Variants in PCDHGA8 observed in about 807,000 individuals in gnomAD.
The protein encoded by PCDHGA8 is protocadherin gamma subfamily A, 8, also known as protocadherin gamma-A8.
In PCDHGA8, 45 loss-of-function variants were observed where a neutral mutation model predicts 59.2. The observed-to-expected ratio is 0.76, with a 90% CI of 0.60 to 0.98. The LOEUF (loss-of-function observed/expected upper bound fraction) is 0.98, where lower values mean the gene tolerates loss of function less well. PCDHGA8 is among the 50% of genes least tolerant of loss of function. The pLI is 0.00. For synonymous variants in PCDHGA8, 531 were observed against 519.0 expected (o/e 1.02, Z -0.32); for missense variants, 1,257 against 1,196.2 (o/e 1.05, Z -0.75).
intron 2 of PCDHGA8, among the ~76,000 whole-genome samples, chr5:141,496,639 C>A (rs752903356): frequency 6.6e-6 from 1 of 152,222 alleles, no homozygotes; most frequent in Non-Finnish European, 1.5e-5. Flanking sequence ...TTGGGCTGCC[C>A]TTGCCCTTCC....
chr5:141,479,269 A>C (rs1279389471), intron 1 of PCDHGA8: 1 of 152,374 alleles, frequency 6.6e-6, no homozygotes, highest in Non-Finnish European at 1.5e-5. Context: ...TAAAAGTAAT[A>C]ATTTATTTCA....
Position 141,487,176 on chromosome 5 carries a change from A to G in PCDHGA8, c.2425-7631A>G. On this transcript the variant is annotated intron_variant, in intron 1 of 3. Coordinates refer to ENST00000398604, the MANE Select transcript of PCDHGA8 (RefSeq NM_032088.2). The surrounding 1 kb of genome is among the most constrained non-coding windows in gnomAD (Gnocchi z 5.0). ...ACTCTCTTAGTGTCCTTAGAGGAAGACACTCATCCAGTTGTCCCAGATCTT... is the reference window on the plus strand; with the variant it reads ...ACTCTCTTAGTGTCCTTAGAGGAAGGCACTCATCCAGTTGTCCCAGATCTT... 1 of 1,613,774 alleles carries G rather than the reference A, an allele frequency of 6.2e-7. No homozygotes were observed. The highest frequency in any genetic ancestry group is 8.5e-7 in the Non-Finnish European group (1 of 1,179,664).
chr5:141,472,980 C>CAAAAAAAAAAAAAAAAAGAAAAAAAAA (rs2099309731), intron 1 of PCDHGA8, among the ~76,000 whole-genome samples: 1 of 86,106 alleles, frequency 1.2e-5, no homozygotes, highest in Non-Finnish European at 2.5e-5. Flanking sequence ...GAGTGAAACT[C>CAAAAAAAAAAAAAAAAAGAAAAAAAAA]AAAAAAAAAA....
chr5:141,489,253 A>T lies in PCDHGA8; in HGVS notation c.2425-5554A>T. 1 of 1,547,506 alleles carries T rather than the reference A, an allele frequency of 6.5e-7. No individual in the cohort carries two copies. The highest frequency in any genetic ancestry group is 2.3e-5 in the East Asian group (1 of 44,418). ...GGACTTCTGGGTCATGGGGCCCAAG[A>T]CACTCCCACAGCTCGCTGGGAAATG... On this transcript the variant is annotated intron_variant, in intron 1 of 3. Coordinates refer to ENST00000398604, the MANE Select transcript of PCDHGA8 (RefSeq NM_032088.2). This position sits in a 1 kb window ranked among gnomAD's most constrained non-coding sequence, Gnocchi z 4.5.
At chr5:141,505,777 TCTG>T (rs77860300) in intron 3 of PCDHGA8, among the ~76,000 whole-genome samples, 6,508 of 152,280 alleles carry the variant, frequency 0.043, 161 homozygotes, top group Middle Eastern at 0.13. Context: ...AGGTCCTAGC[TCTG>T]CTACTATCCT....
At chr5:141,500,256 T>C (rs1045685908) in intron 2 of PCDHGA8, among the ~76,000 whole-genome samples, 1 of 151,676 alleles carries the variant, frequency 6.6e-6, no homozygotes, top group Non-Finnish European at 1.5e-5. Flanking sequence ...TCACCCAGGC[T>C]GGACTGCAGT....
intron 1 of PCDHGA8, chr5:141,408,178 G>A (rs1425207794): frequency 1.3e-6 from 2 of 1,535,708 alleles, no homozygotes; most frequent in Non-Finnish European, 1.8e-6. Context: ...GAAAAGCGGG[G>A]ACCCAGCGAG....
intron 2 of PCDHGA8, among the ~76,000 whole-genome samples, chr5:141,496,492 C>A (rs2099769172): frequency 6.6e-6 from 1 of 152,186 alleles, no homozygotes; most frequent in Non-Finnish European, 1.5e-5. Context: ...CCAACCAAAC[C>A]CTTGTTGCCA....
rs2099404338 is a variant in PCDHGA8, at chr5:141,477,060, C to T, written c.2425-17747C>T. On this transcript the variant is annotated intron_variant, in intron 1 of 3. Coordinates refer to ENST00000398604, the MANE Select transcript of PCDHGA8 (RefSeq NM_032088.2). This position sits in a 1 kb window ranked among gnomAD's most constrained non-coding sequence, Gnocchi z 4.9. Reference sequence around the variant, plus strand: ...AAGGGTCGGCTGGACTTCGAGGACACCAAACTCCATGAGATTTACATCCAG... The same window carrying T: ...AAGGGTCGGCTGGACTTCGAGGACATCAAACTCCATGAGATTTACATCCAG... 3.7e-6 allele frequency: 6 copies of T among 1,614,256 alleles called. No individual in the cohort carries two copies. The highest frequency in any genetic ancestry group is 5.1e-6 in the Non-Finnish European group (6 of 1,180,046).
intron 1 of PCDHGA8, among the ~76,000 whole-genome samples, chr5:141,438,655 T>C (rs1436221152): frequency 7.1e-6 from 1 of 140,042 alleles, no homozygotes; most frequent in Non-Finnish European, 1.5e-5. Flanking sequence ...CACACACATA[T>C]ATGTATATAT....
intron 1 of PCDHGA8, among the ~76,000 whole-genome samples, chr5:141,473,916 A>T (rs1014065718): frequency 2.6e-5 from 4 of 152,162 alleles, no homozygotes; most frequent in Non-Finnish European, 4.4e-5. Flanking sequence ...TCTTAAGAAA[A>T]CTATGAGCTG....
chr5:141,438,631 TATATAC>T (rs1271580663), intron 1 of PCDHGA8, among the ~76,000 whole-genome samples: 5,390 of 42,476 alleles, frequency 0.13, 146 homozygotes, highest in Non-Finnish European at 0.16. Context: ...TATATATATA[TATATAC>T]ACACACACAC....
At chr5:141,408,776 C>A in intron 1 of PCDHGA8, 2 of 1,611,684 alleles carry the variant, frequency 1.2e-6, no homozygotes, top group Non-Finnish European at 1.7e-6. Flanking sequence ...TGGCAAATAC[C>A]CAGAGTTATC....
chr5:141,422,165 A>G (rs771382434), intron 1 of PCDHGA8: 3 of 1,569,306 alleles, frequency 1.9e-6, no homozygotes, highest in Admixed American at 4.0e-5. Flanking sequence ...TTTGAAAAAT[A>G]TAGATTCTAT....
chr5:141,495,839 A>G (rs2099764148), intron 2 of PCDHGA8, among the ~76,000 whole-genome samples: 1 of 150,756 alleles, frequency 6.6e-6, no homozygotes, highest in South Asian at 2.1e-4. Flanking sequence ...CCCAGCCTCT[A>G]TGTTTCTCTG....
chr5:141,432,336 G>A lies in PCDHGA8; in HGVS notation c.2424+37099G>A. On this transcript the variant is annotated intron_variant, in intron 1 of 3. Coordinates refer to ENST00000398604, the MANE Select transcript of PCDHGA8 (RefSeq NM_032088.2). The surrounding 1 kb of genome is among the most constrained non-coding windows in gnomAD (Gnocchi z 6.0). ...AGCTCCTTCGACTACGAGCAGTTCC[G>A]AGACTTGCAAGTGAAAGTGATGGCG... 1.2e-6 allele frequency: 2 copies of A among 1,614,250 alleles called. No homozygotes were observed. The highest frequency in any genetic ancestry group is 1.7e-6 in the Non-Finnish European group (2 of 1,180,040).
At chr5:141,423,357 C>G in intron 1 of PCDHGA8, 1 of 1,614,214 alleles carries the variant, frequency 6.2e-7, no homozygotes. Context: ...TCTTTGTCAT[C>G]GTGCTGCTGG....
In PCDHGA8 at chr5:141,493,468, T is replaced by C. The variant is rs960204561; in HGVS notation, c.2425-1339T>C. On this transcript the variant is annotated intron_variant, in intron 1 of 3. Transcript: ENST00000398604. The surrounding 1 kb of genome is among the most constrained non-coding windows in gnomAD (Gnocchi z 4.3). ...TGGGGTTCCTTCCCTTTTAGGACCT[T>C]ACATGTGGGGAAAGTCTTCTGTGGC... Among the ~76,000 whole-genome samples the C allele has an allele frequency of 4.6e-5, 7 of 152,144 alleles. No individual in the cohort carries two copies. Among genetic ancestry groups the C allele is most frequent in the African/African-American group, 1.4e-4 (6 of 41,426 alleles).
At chr5:141,419,192 G>C (rs772847766) in intron 1 of PCDHGA8, 2 of 1,613,934 alleles carry the variant, frequency 1.2e-6, no homozygotes, top group Admixed American at 1.7e-5. Context: ...CATTACTGAC[G>C]TCAATGACAA....
Sources: gnomAD v4.1 joint callset for allele counts (sites outside exome capture counted in the v4.1 genomes callset) on GRCh38, gnomAD v4.1.1 for gene constraint, Gnocchi (gnomAD v3.1) non-coding constraint, MANE v1.5 for transcripts, NCBI Gene and HGNC (gene_info 2026-07-23, HGNC 2026-07-21) for gene names.